The following SPTLC3 variants were observed in gnomAD, a reference collection of about 807,000 sequenced individuals.
SPTLC3 encodes serine palmitoyltransferase 3.
A neutral mutation model predicts 59.3 loss-of-function variants in SPTLC3; 36 were observed. The ratio of observed to expected loss-of-function variants is 0.61; its 90% CI spans 0.47 to 0.80. The LOEUF (loss-of-function observed/expected upper bound fraction) is 0.80. SPTLC3 is among the 30% of genes least tolerant of loss of function. The probability of loss-of-function intolerance (pLI) is 0.00; values close to 1 mark genes in which losing one functional copy is unlikely to be tolerated. For synonymous variants in SPTLC3, 257 were observed against 240.8 expected (o/e 1.07, Z -0.62); for missense variants, 625 against 685.1 (o/e 0.91, Z 0.98).
chr20:13,078,982 G>A (rs946288357), intron 4 of SPTLC3, among the ~76,000 whole-genome samples: 6 of 151,840 alleles, frequency 4.0e-5, no homozygotes, highest in South Asian at 2.1e-4. Flanking sequence ...AACTATAAAC[G>A]GTAAGAGATA....
intron 10 of SPTLC3, among the ~76,000 whole-genome samples, chr20:13,156,432 T>C (rs985025556): frequency 3.9e-5 from 6 of 152,186 alleles, no homozygotes; most frequent in Admixed American, 2.0e-4. Context: ...TTATGCTCTA[T>C]GGTGTGATGA....
At chr20:13,047,180 G>T (rs1219071182) in intron 1 of SPTLC3, among the ~76,000 whole-genome samples, 1 of 152,108 alleles carries the variant, frequency 6.6e-6, no homozygotes, top group Non-Finnish European at 1.5e-5. Flanking sequence ...AGACTGATTT[G>T]CTTTTCATCT....
chr20:13,157,273 C>CAA (rs34562385), intron 10 of SPTLC3, among the ~76,000 whole-genome samples: 8,573 of 143,500 alleles, frequency 0.06, 329 homozygotes, highest in African/African-American at 0.12. Flanking sequence ...ACTAAAAGTA[C>CAA]AAAAAAAAAA....
At chr20:13,060,864 T>C (rs1386732238) in intron 2 of SPTLC3, among the ~76,000 whole-genome samples, 1 of 152,134 alleles carries the variant, frequency 6.6e-6, no homozygotes, top group Non-Finnish European at 1.5e-5. Context: ...CTTTATCCAA[T>C]TGTTGATGGA....
At chr20:13,113,305 G>C (rs1990347275) in intron 7 of SPTLC3, among the ~76,000 whole-genome samples, 1 of 152,176 alleles carries the variant, frequency 6.6e-6, no homozygotes, top group Non-Finnish European at 1.5e-5. Context: ...TGCATATCTT[G>C]TTGGTACCTA....
intron 2 of SPTLC3, among the ~76,000 whole-genome samples, chr20:13,062,169 T>C (rs1489317858): frequency 6.6e-6 from 1 of 152,088 alleles, no homozygotes; most frequent in Non-Finnish European, 1.5e-5. Context: ...AAGAAACCAA[T>C]AGCTTTAAAT....
intron 7 of SPTLC3, among the ~76,000 whole-genome samples, chr20:13,114,571 A>G (rs1990429532): frequency 6.6e-6 from 1 of 152,244 alleles, no homozygotes. Context: ...ATTTACTCTA[A>G]GAATGTAAGC....
At chr20:13,140,261 A>G (rs1463190433) in intron 9 of SPTLC3, among the ~76,000 whole-genome samples, 5 of 152,310 alleles carry the variant, frequency 3.3e-5, no homozygotes, top group African/African-American at 1.2e-4. Flanking sequence ...ATTTAAAAAC[A>G]TGAACTGATT....
intron 1 of SPTLC3, among the ~76,000 whole-genome samples, chr20:13,037,816 G>A (rs1249317960): frequency 6.6e-6 from 1 of 152,126 alleles, no homozygotes; most frequent in Admixed American, 6.6e-5. Flanking sequence ...AACATGTAAA[G>A]TTCATTGAAG....
At chr20:13,153,020 A>G (rs1230763137) in intron 9 of SPTLC3, among the ~76,000 whole-genome samples, 3 of 152,246 alleles carry the variant, frequency 2.0e-5, no homozygotes, top group Non-Finnish European at 4.4e-5. Flanking sequence ...GGTCTGCTAA[A>G]GACAACCAAT....
At chr20:13,143,175 C>T (rs1183361782) in intron 9 of SPTLC3, among the ~76,000 whole-genome samples, 2 of 151,986 alleles carry the variant, frequency 1.3e-5, no homozygotes, top group Non-Finnish European at 2.9e-5. Context: ...CCAAAAAGAC[C>T]AAGAAGGAGA....
At chr20:13,074,813 C>T (rs959230817) in intron 4 of SPTLC3, among the ~76,000 whole-genome samples, 1 of 152,100 alleles carries the variant, frequency 6.6e-6, no homozygotes, top group Non-Finnish European at 1.5e-5. Context: ...ATGTTCATCA[C>T]CAGTTAAAAT....
intron 9 of SPTLC3, among the ~76,000 whole-genome samples, chr20:13,143,815 T>G (rs1291144147): frequency 6.6e-6 from 1 of 152,258 alleles, no homozygotes; most frequent in Non-Finnish European, 1.5e-5. Flanking sequence ...CTCAGCCTAG[T>G]ATCTGTCTTT....
chr20:13,118,539 T>C (rs1990719277), intron 8 of SPTLC3, among the ~76,000 whole-genome samples: 1 of 151,566 alleles, frequency 6.6e-6, no homozygotes, highest in Non-Finnish European at 1.5e-5. Flanking sequence ...TATTCAAACC[T>C]GGGTTTGAGA....
At chr20:13,047,109 A>G (rs1987266838) in intron 1 of SPTLC3, among the ~76,000 whole-genome samples, 1 of 152,212 alleles carries the variant, frequency 6.6e-6, no homozygotes, top group African/African-American at 2.4e-5. Context: ...ATATCACTAT[A>G]AAAAGGCTTT....
intron 1 of SPTLC3, among the ~76,000 whole-genome samples, chr20:13,024,138 T>C (rs1056818837): frequency 4.6e-5 from 7 of 152,198 alleles, no homozygotes; most frequent in African/African-American, 1.7e-4. Flanking sequence ...GTTGATACTG[T>C]TACTATCGTC....
rs549845800 is a variant in SPTLC3 at position 13,058,129 on chromosome 20, G to A, written c.303+8999G>A. Among the ~76,000 whole-genome samples the A allele has an allele frequency of 1.2e-4, 17 of 147,794 alleles. No homozygotes were observed. In the South Asian group the frequency reaches 2.6e-3, roughly 23 times the overall value. ...ATCTTCAGAGATTTTTACTCCCACC[G>A]AAAACAAAGTGGGTTCAGCAAGCTG... is the stretch of plus-strand genomic sequence containing the variant. On this transcript the variant is annotated intron_variant, in intron 2 of 11. Coordinates refer to ENST00000399002, the MANE Select transcript of SPTLC3 (RefSeq NM_018327.4).
chr20:13,031,314 A>G (rs1003144165), intron 1 of SPTLC3, among the ~76,000 whole-genome samples: 2 of 152,148 alleles, frequency 1.3e-5, no homozygotes, highest in African/African-American at 2.4e-5. Context: ...CTTAATTTAA[A>G]CTATTGAAAT....
At chr20:13,090,604 C>G (rs749126164) in intron 4 of SPTLC3, among the ~76,000 whole-genome samples, 5 of 152,052 alleles carry the variant, frequency 3.3e-5, no homozygotes, top group African/African-American at 4.8e-5. Flanking sequence ...CAATGGATCT[C>G]CACAAAGCAA....
Sources: allele counts gnomAD v4.1 joint callset (sites outside exome capture counted in the v4.1 genomes callset), GRCh38; gene constraint gnomAD v4.1.1; transcripts MANE v1.5; gene names NCBI Gene and HGNC (gene_info 2026-07-23, HGNC 2026-07-21).